Variants in ASIC2 observed in about 807,000 individuals in gnomAD.
ASIC2 encodes the protein acid sensing ion channel subunit 2.
In ASIC2, 25 loss-of-function variants were observed where a neutral mutation model predicts 57.3. The observed-to-expected ratio is 0.44, with a 90% CI of 0.32 to 0.61. The LOEUF is 0.61. Among genes scored for constraint, ASIC2 ranks in the 20% least tolerant of loss-of-function variants. ASIC2 has a pLI of 0.06. For missense variants in ASIC2, 641 were observed against 738.1 expected, an observed-to-expected ratio of 0.87 and a Z score of 1.52; for synonymous variants, 319 against 307.5, an observed-to-expected ratio of 1.04 and a Z score of -0.39.
intron 1 of ASIC2, among the ~76,000 whole-genome samples, chr17:33,939,722 C>G (rs1490894): frequency 0.15 from 22,204 of 152,192 alleles, 2,064 homozygotes; most frequent in East Asian, 0.28. Flanking sequence ...GGAACCAGAC[C>G]GCTGTGGCAA....
chr17:34,007,727 C>T (rs2142019063), intron 1 of ASIC2, among the ~76,000 whole-genome samples: 1 of 152,340 alleles, frequency 6.6e-6, no homozygotes, highest in South Asian at 2.1e-4. Context: ...CTGCCTCCTT[C>T]TAGAGCATGC....
chr17:33,629,884 A>C (rs1441096217), intron 1 of ASIC2, among the ~76,000 whole-genome samples: 1 of 152,184 alleles, frequency 6.6e-6, no homozygotes, highest in African/African-American at 2.4e-5. Flanking sequence ...AAATCCCTAA[A>C]GAGATTTTAT....
At chr17:33,614,939 C>T (rs866425899) in intron 1 of ASIC2, among the ~76,000 whole-genome samples, 12 of 152,142 alleles carry the variant, frequency 7.9e-5, no homozygotes, top group South Asian at 2.1e-4. Flanking sequence ...TTAAAGTGCG[C>T]GTAATAATAG....
At position 33,880,741 on chromosome 17, in the gene ASIC2, T is replaced by A. The variant is rs1040607263; in HGVS notation, c.555+275237A>T. Among the ~76,000 whole-genome samples, 83 of 152,258 alleles carry A rather than the reference T, an allele frequency of 5.5e-4. 1 individual carries two copies. The highest frequency in any genetic ancestry group is 2.0e-3 in the African/African-American group (81 of 41,530). Reference sequence around the variant, plus strand: ...TTCTGATCAATAGAAAAAGAGGGAATCCTCCCTAACTCATTTTATGAGGCC... The same window carrying A: ...TTCTGATCAATAGAAAAAGAGGGAAACCTCCCTAACTCATTTTATGAGGCC... On this transcript the variant is annotated intron_variant, in intron 1 of 9. Transcript: ENST00000359872.
chr17:33,679,201 C>A (rs1437986560), intron 1 of ASIC2, among the ~76,000 whole-genome samples: 3 of 152,178 alleles, frequency 2.0e-5, no homozygotes, highest in Non-Finnish European at 4.4e-5. Context: ...GCTTGGATTA[C>A]CTCCTTTATA....
chr17:33,785,477 C>T (rs1323720330), intron 1 of ASIC2, among the ~76,000 whole-genome samples: 1 of 152,144 alleles, frequency 6.6e-6, no homozygotes, highest in Non-Finnish European at 1.5e-5. Context: ...CATAATCTTC[C>T]CAAGTCATGG....
At chr17:33,024,844 T>C (rs1366942603) in intron 5 of ASIC2, among the ~76,000 whole-genome samples, 3 of 152,210 alleles carry the variant, frequency 2.0e-5, no homozygotes, top group Non-Finnish European at 4.4e-5. Context: ...TGGCTATGAA[T>C]CTCCAGCTGT....
At chr17:33,808,673 C>A (rs1912334753) in intron 1 of ASIC2, among the ~76,000 whole-genome samples, 1 of 152,220 alleles carries the variant, frequency 6.6e-6, no homozygotes, top group Non-Finnish European at 1.5e-5. Flanking sequence ...ACATCATTAA[C>A]CTCTCTGAGT....
chr17:33,885,570 C>T (rs926333053), intron 1 of ASIC2, among the ~76,000 whole-genome samples: 16 of 152,288 alleles, frequency 1.1e-4, no homozygotes, highest in Admixed American at 9.2e-4. Context: ...AAAAAAATGA[C>T]ATACAGTAAG....
intron 1 of ASIC2, among the ~76,000 whole-genome samples, chr17:33,881,682 C>G (rs938058108): frequency 6.6e-6 from 1 of 152,172 alleles, no homozygotes; most frequent in Non-Finnish European, 1.5e-5. Flanking sequence ...AATGGCCATA[C>G]TGCCCAAGGT....
intron 1 of ASIC2, among the ~76,000 whole-genome samples, chr17:34,145,780 G>T (rs1912400432): frequency 6.6e-6 from 1 of 152,186 alleles, no homozygotes; most frequent in South Asian, 2.1e-4. Flanking sequence ...CGTGGTTTCT[G>T]TGACATATGA....
intron 1 of ASIC2, among the ~76,000 whole-genome samples, chr17:33,363,872 C>T (rs1167920161): frequency 6.6e-6 from 1 of 152,228 alleles, no homozygotes; most frequent in East Asian, 1.9e-4. Context: ...TCCCTCCTCT[C>T]ACCCTTTCCT....
chr17:33,144,116 G>A (rs980648455), intron 1 of ASIC2, among the ~76,000 whole-genome samples: 9 of 151,552 alleles, frequency 5.9e-5, no homozygotes, highest in African/African-American at 1.5e-4. Context: ...CATCCAAGCT[G>A]GGCCAATCAG....
chr17:33,242,273 C>T (rs984082543), intron 1 of ASIC2, among the ~76,000 whole-genome samples: 18 of 150,410 alleles, frequency 1.2e-4, no homozygotes, highest in African/African-American at 3.7e-4. Flanking sequence ...GCCGAGATCT[C>T]GCCACTGCAC....
intron 1 of ASIC2, among the ~76,000 whole-genome samples, chr17:34,085,129 G>C (rs1355562315): frequency 4.6e-5 from 7 of 152,174 alleles, no homozygotes; most frequent in Non-Finnish European, 1.0e-4. Context: ...TTTTCAAAGG[G>C]AATGCTTCCA....
intron 4 of ASIC2, 101 bp from the exon 5 acceptor site, chr17:33,026,083 G>A (rs906038528): frequency 7.6e-6 from 10 of 1,319,890 alleles, no homozygotes; most frequent in Non-Finnish European, 1.1e-5. Context: ...CCTCCTGGCA[G>A]TTGAAGGGGC....
chr17:33,514,482 G>T (rs928849374), intron 1 of ASIC2, among the ~76,000 whole-genome samples: 1 of 152,176 alleles, frequency 6.6e-6, no homozygotes, highest in Non-Finnish European at 1.5e-5. Context: ...CAGGCCAAAG[G>T]GGAGGGGATT....
chr17:33,301,494 C>T (rs1049980313), intron 1 of ASIC2, among the ~76,000 whole-genome samples: 1 of 152,046 alleles, frequency 6.6e-6, no homozygotes, highest in African/African-American at 2.4e-5. Context: ...GAGCATCAGA[C>T]CTTAATTAAG....
At chr17:33,373,685 TTC>T (rs869144282) in intron 1 of ASIC2, among the ~76,000 whole-genome samples, 8 of 145,588 alleles carry the variant, frequency 5.5e-5, no homozygotes, top group South Asian at 2.1e-4. Context: ...GGTCTTTTTT[TTC>T]TCTTTTCTCA....
Sources: gnomAD v4.1 joint callset for allele counts (sites outside exome capture counted in the v4.1 genomes callset) on GRCh38, gnomAD v4.1.1 for gene constraint, MANE v1.5 for transcripts, NCBI Gene and HGNC (gene_info 2026-07-23, HGNC 2026-07-21) for gene names.